The following VPS35L variants were observed in gnomAD, a reference collection of about 807,000 sequenced individuals.
VPS35L encodes VPS35 endosomal protein-sorting factor-like.
A neutral mutation model predicts 133.0 loss-of-function variants in VPS35L; 83 were observed. That is an observed-to-expected ratio of 0.62 (90% CI 0.52 to 0.75). The LOEUF (loss-of-function observed/expected upper bound fraction) is 0.75, where lower values mean the gene tolerates loss of function less well. VPS35L is among the 30% of genes least tolerant of loss of function. The pLI is 0.00. For missense variants in VPS35L, 1,083 were observed against 1,206.8 expected (o/e 0.90, Z 1.52); for synonymous variants, 423 against 449.9 (o/e 0.94, Z 0.76).
chr16:19,578,323 G>A (rs1451797720), intron 5 of VPS35L: 3 of 441,950 alleles, frequency 6.8e-6, no homozygotes, highest in Non-Finnish European at 1.3e-5. Context: ...ACAGTGAGCC[G>A]AGATCGCGCC....
At chr16:19,556,079 A>G (rs1970845672) in intron 1 of VPS35L, among the ~76,000 whole-genome samples, 1 of 152,100 alleles carries the variant, frequency 6.6e-6, no homozygotes, top group Non-Finnish European at 1.5e-5. Context: ...GGATGAGGGT[A>G]ATGGTGGACT....
intron 9 of VPS35L, among the ~76,000 whole-genome samples, chr16:19,607,125 A>G (rs2151543825): frequency 6.6e-6 from 1 of 152,310 alleles, no homozygotes; most frequent in East Asian, 1.9e-4. Context: ...CTTAAGATGT[A>G]TGTCAAGTCC....
intron 8 of VPS35L, among the ~76,000 whole-genome samples, chr16:19,597,690 GTTTAAGTCTAT>G (rs1972260827): frequency 6.6e-6 from 1 of 152,222 alleles, no homozygotes; most frequent in South Asian, 2.1e-4. Context: ...CGGTGCTGTT[GTTTAAGTCTAT>G]TGTGAATAAT....
chr16:19,686,910 C>G (rs1008908257), intron 28 of VPS35L, among the ~76,000 whole-genome samples: 2 of 152,168 alleles, frequency 1.3e-5, no homozygotes, highest in African/African-American at 4.8e-5. Context: ...TGTACTGCCC[C>G]CCCTTCCTTG....
chr16:19,576,729 A>C (rs993247421), intron 5 of VPS35L, among the ~76,000 whole-genome samples: 1 of 148,142 alleles, frequency 6.8e-6, no homozygotes. Context: ...TTTGTTATGC[A>C]TAGAATTTTT....
chr16:19,575,081 A>G lies in VPS35L; in HGVS notation c.409-17A>G, dbSNP rs746967571. On this transcript the variant is annotated splice_polypyrimidine_tract_variant and intron_variant, in intron 4 of 30. Transcript: ENST00000417362. ...CCTTCGATTTTTAAAATATTAATGA[A>G]TTTTATGTCTCTGCAGAATCTGTTT... 6.3e-7 allele frequency: 1 copy of G among 1,593,094 alleles called. No individual in the cohort carries two copies. Among genetic ancestry groups the G allele is most frequent in the South Asian group, 1.1e-5 (1 of 87,734 alleles).
chr16:19,640,745 GTGTTTT>G (rs1282967903), intron 21 of VPS35L, among the ~76,000 whole-genome samples: 3 of 152,210 alleles, frequency 2.0e-5, no homozygotes, highest in African/African-American at 7.2e-5. Context: ...TGGAAAAAAG[GTGTTTT>G]TGTTTTTGTT....
chr16:19,627,534 G>A (rs7186999), intron 15 of VPS35L, among the ~76,000 whole-genome samples, 160 bp from the exon 16 acceptor site: 7,731 of 152,192 alleles, frequency 0.051, 643 homozygotes, highest in African/African-American at 0.17. Context: ...AGGACACTGT[G>A]TTAGTCTCTC....
rs893929734 is a variant in VPS35L at position 19,651,433 on chromosome 16, G to A, written c.2107-543G>A. Among the ~76,000 whole-genome samples, 2 of 152,088 alleles carry A rather than the reference G, an allele frequency of 1.3e-5. 1 individual carries two copies. On this transcript the variant is annotated intron_variant, in intron 25 of 30. Coordinates refer to ENST00000417362, the MANE Select transcript of VPS35L (RefSeq NM_020314.7). ...TTGCCCAGGCTGGTCTTGAACTCCT[G>A]GCCTCAAGTGATCCTCCTGCCTCAG...
rs2151497711 is a variant in VPS35L at position 19,560,941 on chromosome 16, G to A, written c.18-3910G>A. Among the ~76,000 whole-genome samples the A allele has an allele frequency of 3.3e-5, 5 of 152,122 alleles. No individual in the cohort carries two copies. In the Middle Eastern group the frequency reaches 0.014, roughly 414 times the overall value. Reference sequence around the variant, plus strand: ...GATTGCCTGATAGCATCCTTGATGGGATGGGAGTTTGGAGGAATATTTCAT... The same window carrying A: ...GATTGCCTGATAGCATCCTTGATGGAATGGGAGTTTGGAGGAATATTTCAT... On this transcript the variant is annotated intron_variant, in intron 1 of 30. Coordinates refer to ENST00000417362, the MANE Select transcript of VPS35L (RefSeq NM_020314.7).
chr16:19,654,248 G>A (rs1974226489), intron 26 of VPS35L, among the ~76,000 whole-genome samples: 1 of 152,082 alleles, frequency 6.6e-6, no homozygotes, highest in Non-Finnish European at 1.5e-5. Flanking sequence ...CACCCCTGCA[G>A]CATCAACCTC....
intron 5 of VPS35L, among the ~76,000 whole-genome samples, chr16:19,577,777 C>A (rs974218560): frequency 1.3e-5 from 2 of 152,158 alleles, no homozygotes; most frequent in Non-Finnish European, 2.9e-5. Context: ...TCCAAGGGCA[C>A]TCCCCTCACC....
intron 14 of VPS35L, among the ~76,000 whole-genome samples, chr16:19,619,423 T>C (rs560930250): frequency 1.8e-4 from 27 of 152,296 alleles, no homozygotes; most frequent in African/African-American, 5.8e-4. Flanking sequence ...GCTGGTTCTC[T>C]ATGGTCCTCA....
At chr16:19,647,134 A>C (rs1274613236) in intron 23 of VPS35L, among the ~76,000 whole-genome samples, 2 of 152,218 alleles carry the variant, frequency 1.3e-5, no homozygotes, top group Non-Finnish European at 2.9e-5. Flanking sequence ...GTTAGGAAAC[A>C]GACATATGGA....
At chr16:19,668,668 C>T (rs1974775076) in intron 26 of VPS35L, among the ~76,000 whole-genome samples, 1 of 151,558 alleles carries the variant, frequency 6.6e-6, no homozygotes, top group Non-Finnish European at 1.5e-5. Flanking sequence ...AAATGGTGTG[C>T]ACTAGAATAG....
intron 7 of VPS35L, among the ~76,000 whole-genome samples, chr16:19,591,161 T>C (rs1185210904): frequency 1.3e-5 from 2 of 152,014 alleles, no homozygotes; most frequent in Non-Finnish European, 2.9e-5. Flanking sequence ...AAATAATCAG[T>C]GTGAGTTTAT....
At chr16:19,630,854 A>C (rs1285339980) in intron 18 of VPS35L, among the ~76,000 whole-genome samples, 1 of 151,992 alleles carries the variant, frequency 6.6e-6, no homozygotes, top group Non-Finnish European at 1.5e-5. Flanking sequence ...AAAATAAAAA[A>C]AAAAATTAGG....
At chr16:19,599,380 G>T (rs761065274) in intron 8 of VPS35L, among the ~76,000 whole-genome samples, 36 of 152,164 alleles carry the variant, frequency 2.4e-4, no homozygotes, top group Non-Finnish European at 4.9e-4. Context: ...AGGGAAGTTT[G>T]TTGCTATTTC....
rs984074323 is a variant in VPS35L at position 19,639,669 on chromosome 16, C to T, written c.1699-346C>T. Reference sequence around the variant, plus strand: ...TCAGCCTTCCAAGTAGCTGGGACTACAGGCATGCATCACCATGCCTGGTTT... The same window carrying T: ...TCAGCCTTCCAAGTAGCTGGGACTATAGGCATGCATCACCATGCCTGGTTT... On this transcript the variant is annotated intron_variant, in intron 20 of 30. Transcript: ENST00000417362. This position sits in a 1 kb window ranked among gnomAD's most constrained non-coding sequence, Gnocchi z 4.1. Among the ~76,000 whole-genome samples, 1 of 152,176 alleles carries T rather than the reference C, an allele frequency of 6.6e-6. No individual in the cohort carries two copies. Among genetic ancestry groups the T allele is most frequent in the African/African-American group, 2.4e-5 (1 of 41,448 alleles).
Sources: gnomAD v4.1 joint callset for allele counts (sites outside exome capture counted in the v4.1 genomes callset) on GRCh38, gnomAD v4.1.1 for gene constraint, Gnocchi (gnomAD v3.1) non-coding constraint, MANE v1.5 for transcripts, NCBI Gene and HGNC (gene_info 2026-07-23, HGNC 2026-07-21) for gene names.